The following SAP30BP variants were observed in gnomAD, a reference collection of about 807,000 sequenced individuals.
SAP30BP encodes the protein SAP30 binding protein.
A neutral mutation model predicts 46.3 loss-of-function variants in SAP30BP; 31 were observed. That is an observed-to-expected ratio of 0.67 (90% confidence interval 0.50 to 0.90). SAP30BP has a LOEUF of 0.90. SAP30BP is among the 40% of genes least tolerant of loss of function. The pLI is 0.00. For missense variants in SAP30BP, 312 were observed against 391.0 expected (o/e 0.80, Z 1.70); for synonymous variants, 169 against 144.2 (o/e 1.17, Z -1.23).
At chr17:75,693,576 C>T (rs1188732966) in intron 4 of SAP30BP, 94 bp downstream of exon 4, 1 of 1,171,278 alleles carries the variant, frequency 8.5e-7, no homozygotes, top group Non-Finnish European at 1.2e-6. Context: ...CACAGGGCTT[C>T]TGTCTGCTGT....
At chr17:75,672,314 CAG>C (rs940130368) in intron 3 of SAP30BP, among the ~76,000 whole-genome samples, 6 of 152,230 alleles carry the variant, frequency 3.9e-5, no homozygotes, top group Non-Finnish European at 2.9e-5. Context: ...CCCCAGCTCT[CAG>C]GGATGGTGGG....
chr17:75,703,596 TG>T, intron 7 of SAP30BP: 1 of 637,230 alleles, frequency 1.6e-6, no homozygotes, highest in South Asian at 1.9e-5. Flanking sequence ...GGGACATGTG[TG>T]GACCTGCTGC....
chr17:75,680,583 T>C (rs2060061662), intron 3 of SAP30BP, among the ~76,000 whole-genome samples: 1 of 152,190 alleles, frequency 6.6e-6, no homozygotes, highest in Non-Finnish European at 1.5e-5. Context: ...GAAGGTGCTT[T>C]TCGCAGTATA....
intron 3 of SAP30BP, among the ~76,000 whole-genome samples, chr17:75,689,905 T>C (rs1185763076): frequency 6.6e-6 from 1 of 152,230 alleles, no homozygotes; most frequent in Non-Finnish European, 1.5e-5. Context: ...TTCCGTCTCC[T>C]TAATTCTGTC....
At chr17:75,678,898 A>C (rs577253727) in intron 3 of SAP30BP, among the ~76,000 whole-genome samples, 3 of 152,130 alleles carry the variant, frequency 2.0e-5, no homozygotes, top group Non-Finnish European at 4.4e-5. Context: ...TTACCTTCAT[A>C]TAACGAAGGA....
intron 3 of SAP30BP, among the ~76,000 whole-genome samples, chr17:75,674,686 G>GTT (rs1555718004): frequency 7.0e-5 from 4 of 57,038 alleles, no homozygotes; most frequent in African/African-American, 6.7e-5. Flanking sequence ...AAGTTTTTTT[G>GTT]TTTGTTTTTT....
In SAP30BP at chr17:75,694,637, G is replaced by A. The variant is rs565249105; in HGVS notation, c.307+1155G>A. Among the ~76,000 whole-genome samples the A allele has an allele frequency of 3.8e-3, 583 of 152,262 alleles. 2 individuals are homozygous for A. Among genetic ancestry groups the A allele is most frequent in the African/African-American group, 0.013 (532 of 41,544 alleles). On this transcript the variant is annotated intron_variant, in intron 4 of 10. Transcript: ENST00000584667. ...AAGCCGATGGCCGGCCCAAGGGGGC[G>A]ATCCACGGGTCGGGCGTGGACGGGA...
At chr17:75,674,340 G>A (rs2059950996) in intron 3 of SAP30BP, among the ~76,000 whole-genome samples, 1 of 151,950 alleles carries the variant, frequency 6.6e-6, no homozygotes, top group Non-Finnish European at 1.5e-5. Flanking sequence ...TGTCGCTCAG[G>A]CTGGAGTGCA....
chr17:75,681,685 T>G (rs1321210261), intron 3 of SAP30BP, among the ~76,000 whole-genome samples: 1 of 152,216 alleles, frequency 6.6e-6, no homozygotes, highest in African/African-American at 2.4e-5. Context: ...TTCTTTTTAT[T>G]GAACACAGAC....
chr17:75,667,588 C>T (rs571785069), intron 1 of SAP30BP, 110 bp downstream of exon 1: 8 of 955,656 alleles, frequency 8.4e-6, no homozygotes, highest in Non-Finnish European at 1.3e-5. Context: ...AGCACCGGAC[C>T]CCGAAGAATG....
chr17:75,680,875 A>G (rs1313888869), intron 3 of SAP30BP, among the ~76,000 whole-genome samples: 2 of 152,132 alleles, frequency 1.3e-5, no homozygotes, highest in East Asian at 3.9e-4. Flanking sequence ...CTCTACAGAA[A>G]CTACAAAAGT....
Position 75,693,609 on chromosome 17 carries a change from C to T in SAP30BP, c.307+127C>T. 3.9e-6 allele frequency: 3 copies of T among 763,410 alleles called. No individual in the cohort carries two copies. In the South Asian group the frequency reaches 5.5e-5, roughly 14 times the overall value. The allele number at this position is 763,410 out of a possible 1,614,324, so 47.3% of individuals were successfully genotyped here. A position where few individuals can be genotyped will look rare whatever the true frequency, so the allele number is the denominator to read the frequency against. ...TGTGAGCACTGTTGTCCCTTTGGCT[C>T]CCTCTCAGGGCTTTGGCATTTCCTA... On this transcript the variant is annotated intron_variant, in intron 4 of 10. Transcript: ENST00000584667.
In SAP30BP at chr17:75,668,608, G is replaced by C; in HGVS notation, c.199G>C (p.Glu67Gln). ...DEDGYEEEED[E>Q]NSRQSEDDDS... ...AGATGGTTATGAAGAAGAAGAAGATGAGAACAGTAGACAGTCGGTAGGTAA... is the reference window on the plus strand; with the variant it reads ...AGATGGTTATGAAGAAGAAGAAGATCAGAACAGTAGACAGTCGGTAGGTAA... The change falls in exon 2 of 11, where the codon GAG becomes CAG. Residue 67 changes from glutamate to glutamine, a missense_variant. Physicochemically the swap from Glu to Gln is conservative, Grantham distance 29. Transcript: ENST00000584667. The C allele has an allele frequency of 5.6e-6, 9 of 1,595,394 alleles. No individual in the cohort carries two copies. The highest frequency in any genetic ancestry group is 7.7e-6 in the Non-Finnish European group (9 of 1,170,294).
intron 3 of SAP30BP, among the ~76,000 whole-genome samples, chr17:75,678,168 AATC>A (rs1350830078): frequency 5.9e-5 from 9 of 152,098 alleles, no homozygotes; most frequent in Non-Finnish European, 1.2e-4. Context: ...TCGCGAAAAT[AATC>A]ATCATAATAA....
intron 5 of SAP30BP, among the ~76,000 whole-genome samples, chr17:75,702,026 TTTTTG>T (rs1424014031): frequency 6.6e-6 from 1 of 152,124 alleles, no homozygotes; most frequent in African/African-American, 2.4e-5. Context: ...ATAGATTAAT[TTTTTG>T]TTTTGTTTTG....
intron 4 of SAP30BP, among the ~76,000 whole-genome samples, chr17:75,699,472 G>A (rs1268161627): frequency 1.3e-5 from 2 of 151,002 alleles, no homozygotes; most frequent in Non-Finnish European, 2.9e-5. Flanking sequence ...GAGTATAGGC[G>A]TGAGCCACCG....
At chr17:75,704,688 A>G in intron 8 of SAP30BP, 68 bp from the exon 9 acceptor site, 1 of 1,152,370 alleles carries the variant, frequency 8.7e-7, no homozygotes, top group East Asian at 2.3e-5. Context: ...CGCAGGGATC[A>G]GAGTAGGCTC....
At chr17:75,685,674 C>T (rs1008555663) in intron 3 of SAP30BP, among the ~76,000 whole-genome samples, 77 of 152,184 alleles carry the variant, frequency 5.1e-4, no homozygotes, top group Non-Finnish European at 2.2e-4. Flanking sequence ...AAAGCTGTCT[C>T]TTTTGTCCTT....
intron 6 of SAP30BP, chr17:75,702,830 C>T (rs958137139): frequency 8.6e-6 from 3 of 348,502 alleles, no homozygotes; most frequent in African/African-American, 6.2e-5. Flanking sequence ...GTTCTCGTCC[C>T]TGCTCTGAGC....
Sources: gnomAD v4.1 joint callset for allele counts (sites outside exome capture counted in the v4.1 genomes callset) on GRCh38, gnomAD v4.1.1 for gene constraint, MANE v1.5 for transcripts, NCBI Gene and HGNC (gene_info 2026-07-23, HGNC 2026-07-21) for gene names.